Variants in NEMF observed in about 807,000 individuals in gnomAD.
NEMF encodes nuclear export mediator factor.
A neutral mutation model predicts 162.2 loss-of-function variants in NEMF; 89 were observed. The ratio of observed to expected loss-of-function variants is 0.55; its 90% CI spans 0.46 to 0.65. The LOEUF (loss-of-function observed/expected upper bound fraction) is 0.65, where lower values mean the gene tolerates loss of function less well. Ranked by LOEUF, NEMF falls within the 30% of genes least tolerant of loss-of-function variation. The probability of loss-of-function intolerance (pLI) is 0.00; values close to 1 mark genes in which losing one functional copy is unlikely to be tolerated. For missense variants in NEMF, 1,133 were observed against 1,261.9 expected (o/e 0.90, Z 1.55); for synonymous variants, 421 against 404.5 (o/e 1.04, Z -0.49).
intron 5 of NEMF, among the ~76,000 whole-genome samples, chr14:49,839,082 T>A (rs10137703): frequency 1.4e-5 from 2 of 144,502 alleles, no homozygotes; most frequent in Non-Finnish European, 3.1e-5. Context: ...TTTTTTTTTA[T>A]TTTTTTTATT....
At chr14:49,795,004 C>T (rs1890626337) in intron 26 of NEMF, among the ~76,000 whole-genome samples, 1 of 152,018 alleles carries the variant, frequency 6.6e-6, no homozygotes, top group Admixed American at 6.6e-5. Context: ...ACGCATGAGC[C>T]ACTGTGCCTG....
intron 16 of NEMF, among the ~76,000 whole-genome samples, chr14:49,822,059 A>G (rs2139937224): frequency 1.3e-5 from 2 of 152,084 alleles, no homozygotes; most frequent in Non-Finnish European, 2.9e-5. Context: ...TCAGGGTTAA[A>G]TGGATTAAGG....
chr14:49,789,058 G>T, intron 28 of NEMF, 88 bp downstream of exon 28: 1 of 1,013,590 alleles, frequency 9.9e-7, no homozygotes, highest in Non-Finnish European at 1.5e-6. Flanking sequence ...ACTTGTCTTG[G>T]TTTTAGCACT....
At chr14:49,791,515 G>A (rs1890448235) in intron 26 of NEMF, among the ~76,000 whole-genome samples, 1 of 152,040 alleles carries the variant, frequency 6.6e-6, no homozygotes, top group South Asian at 2.1e-4. Flanking sequence ...GAGGCAGGCG[G>A]ATCACAAGGT....
intron 19 of NEMF, among the ~76,000 whole-genome samples, chr14:49,805,244 C>T (rs1212777842): frequency 6.6e-6 from 1 of 152,084 alleles, no homozygotes; most frequent in African/African-American, 2.4e-5. Flanking sequence ...AAACTGAATT[C>T]TTTTTATCCT....
intron 16 of NEMF, among the ~76,000 whole-genome samples, chr14:49,816,611 T>G (rs1228095520): frequency 6.6e-6 from 1 of 152,240 alleles, no homozygotes; most frequent in Non-Finnish European, 1.5e-5. Flanking sequence ...TCTTTATTTC[T>G]CAGCTGGCTG....
chr14:49,847,393 G>A (rs569620887), intron 3 of NEMF, among the ~76,000 whole-genome samples: 7 of 151,208 alleles, frequency 4.6e-5, no homozygotes, highest in Non-Finnish European at 1.0e-4. Context: ...TAGTAGAGAC[G>A]GGGTTTCTCC....
In NEMF at chr14:49,784,684, G is replaced by A; in HGVS notation, c.3183C>T (p.Gly1061=). The change falls in exon 33 of 33, where the codon GGC becomes GGT. Residue 1061 remains glycine, a synonymous_variant. Coordinates refer to ENST00000298310, the MANE Select transcript of NEMF (RefSeq NM_004713.6). ...GATTGGGTGCAGACACTTTCACTTT[G>A]CCAGGAATGTTTCTTGATAAATCTG... ...KDTDLSRNIP[G]KVKVSAPNLL... The A allele has an allele frequency of 6.2e-7, 1 of 1,612,538 alleles. No homozygotes were observed.
chr14:49,812,901 G>A (rs553052630), intron 18 of NEMF, among the ~76,000 whole-genome samples: 72 of 151,724 alleles, frequency 4.7e-4, no homozygotes, highest in African/African-American at 1.6e-3. Context: ...TCAGCCTCCC[G>A]AGTAGCTGGG....
intron 26 of NEMF, among the ~76,000 whole-genome samples, chr14:49,792,490 G>A (rs895315808): frequency 1.3e-5 from 2 of 152,110 alleles, no homozygotes; most frequent in Non-Finnish European, 2.9e-5. Flanking sequence ...GGGATTACAG[G>A]CATGAGCCAC....
At position 49,784,592 on chromosome 14, in the gene NEMF, C is replaced by T; in HGVS notation, c.*44G>A. The T allele has an allele frequency of 1.5e-6, 2 of 1,351,764 alleles. No individual in the cohort carries two copies. Among genetic ancestry groups the T allele is most frequent in the African/African-American group, 1.4e-5 (1 of 69,430 alleles). 83.7% of individuals were successfully genotyped at this position (1,351,764 alleles called of 1,614,324 possible). ...CTTTCATCTTTGAACTTCCAAAAGG[C>T]TATAAAATTGGCTCTTCTCAAATAT... On this transcript the variant is annotated 3_prime_UTR_variant, in exon 33 of 33. Transcript: ENST00000298310.
At chr14:49,808,817 C>T (rs532623153) in intron 18 of NEMF, among the ~76,000 whole-genome samples, 1 of 151,918 alleles carries the variant, frequency 6.6e-6, no homozygotes, top group Admixed American at 6.6e-5. Flanking sequence ...TAAAAAAACT[C>T]TTAGAACTCA....
rs371503986 is a variant in NEMF, at chr14:49,782,992, A to G, written c.*1644T>C. On this transcript the variant is annotated 3_prime_UTR_variant, in exon 33 of 33. Coordinates refer to ENST00000298310, the MANE Select transcript of NEMF (RefSeq NM_004713.6). Reference sequence around the variant, plus strand: ...ATGCCTATGATCACCTTGCATGGACAGCAATCCTGTAAACATCACAGAGTG... The same window carrying G: ...ATGCCTATGATCACCTTGCATGGACGGCAATCCTGTAAACATCACAGAGTG... 76 of 1,595,532 alleles carry G rather than the reference A, an allele frequency of 4.8e-5. No individual in the cohort carries two copies. The African/African-American group carries it at 9.3e-4, about 19-fold the overall frequency.
At chr14:49,849,480 T>A (rs531089815) in intron 3 of NEMF, 1 of 152,328 alleles carries the variant, frequency 6.6e-6, no homozygotes, top group African/African-American at 2.4e-5. Flanking sequence ...ATAATAGACA[T>A]AACTCTGCCT....
Position 49,784,972 on chromosome 14 carries a change from A to C in NEMF, c.3106T>G (p.Ser1036Ala), listed in dbSNP as rs746410310. 2.5e-6 allele frequency: 4 copies of C among 1,613,930 alleles called. No homozygotes were observed. Among genetic ancestry groups the C allele is most frequent in the Non-Finnish European group, 3.4e-6 (4 of 1,179,934 alleles). The part of the protein sequence containing the change: ...AKTALNSFMH[S>A]KEATAREKDL... ...TTTTCTCTTGCTGTTGCTTCTTTGGAATGCATGAAACTATTCAAGGCTGTT... is the reference window on the plus strand; with the variant it reads ...TTTTCTCTTGCTGTTGCTTCTTTGGCATGCATGAAACTATTCAAGGCTGTT... Residue 1036 changes from serine (S) to alanine (A), a missense_variant, in exon 32 of 33, where the codon TCC becomes GCC. This residue lies in a region of NEMF where 532 missense variants were observed against 578.6 expected (regional missense o/e 0.92). Transcript: ENST00000298310.
At chr14:49,820,710 C>T (rs112246643) in intron 16 of NEMF, among the ~76,000 whole-genome samples, 1 of 152,166 alleles carries the variant, frequency 6.6e-6, no homozygotes, top group East Asian at 1.9e-4. Context: ...CTCACTGCAA[C>T]CTCCCTGCCT....
chr14:49,844,193 TGG>T (rs1159328381), intron 4 of NEMF, among the ~76,000 whole-genome samples: 1 of 151,424 alleles, frequency 6.6e-6, no homozygotes, highest in Non-Finnish European at 1.5e-5. Context: ...TTTCCATGGA[TGG>T]GGGGTGCAGG....
At chr14:49,829,574 T>A in intron 11 of NEMF, 148 bp from the exon 12 acceptor site, 1 of 647,424 alleles carries the variant, frequency 1.5e-6, no homozygotes, top group Non-Finnish European at 2.7e-6. Flanking sequence ...CCTAGGCCTA[T>A]CCCACTACAA....
At chr14:49,786,421 T>C (rs1429600620) in intron 29 of NEMF, 1 of 341,408 alleles carries the variant, frequency 2.9e-6, no homozygotes, top group African/African-American at 2.1e-5. Flanking sequence ...ATTTGAGTGT[T>C]TGCTATGTGC....
Sources: gnomAD v4.1 joint callset for allele counts (sites outside exome capture counted in the v4.1 genomes callset) on GRCh38, gnomAD v4.1.1 for gene constraint, gnomAD v4.1.1 regional missense constraint, MANE v1.5 for transcripts, NCBI Gene and HGNC (gene_info 2026-07-23, HGNC 2026-07-21) for gene names.